Variants in LGI2 observed in about 807,000 individuals in gnomAD.
The protein encoded by LGI2 is leucine-rich repeat LGI family member 2.
LGI2 carries 30 observed loss-of-function variants against 52.0 expected under a neutral mutation model. That is an observed-to-expected ratio of 0.58 (90% CI 0.43 to 0.78). The LOEUF is 0.78. Ranked by LOEUF, LGI2 falls within the 30% of genes least tolerant of loss-of-function variation. The probability of loss-of-function intolerance (pLI) is 0.00; values close to 1 mark genes in which losing one functional copy is unlikely to be tolerated. For synonymous variants in LGI2, 270 were observed against 271.8 expected (o/e 0.99, Z 0.06); for missense variants, 573 against 692.5 (o/e 0.83, Z 1.94).
chr4:25,024,704 G>A, intron 4 of LGI2, 116 bp downstream of exon 4: 1 of 657,218 alleles, frequency 1.5e-6, no homozygotes, highest in South Asian at 2.2e-5. Flanking sequence ...AACCTCTTGA[G>A]TAATCTAGAA....
rs1195632283 is a variant in LGI2 at position 25,001,099 on chromosome 4, C to T, written c.*2352G>A. The stretch of plus-strand genomic sequence containing the variant: ...CCCCCTTCTCACACCCCACCCATCA[C>T]CTGTTTAGATCGTTCTTTCACCTCC... On this transcript the variant is annotated 3_prime_UTR_variant, in exon 8 of 8. Transcript: ENST00000382114. The T allele has an allele frequency of 6.6e-6, 1 of 152,240 alleles. No individual in the cohort carries two copies. Among genetic ancestry groups the T allele is most frequent in the Non-Finnish European group, 1.5e-5 (1 of 68,080 alleles). The allele number at this position is 152,240 out of a possible 1,614,324, so 9.4% of individuals were successfully genotyped here. A position where few individuals can be genotyped will look rare whatever the true frequency, so the allele number is the denominator to read the frequency against.
At chr4:24,993,123 C>T in the LGI2 span, among the ~76,000 whole-genome samples, 1 of 152,136 alleles carries the variant, frequency 6.6e-6, no homozygotes, top group African/African-American at 2.4e-5. Flanking sequence ...TTGTGAGGAC[C>T]AACTGAGATA....
chr4:25,027,275 A>G (rs1726181676), intron 2 of LGI2, among the ~76,000 whole-genome samples: 1 of 152,248 alleles, frequency 6.6e-6, no homozygotes, highest in Non-Finnish European at 1.5e-5. Flanking sequence ...ATGGTACACA[A>G]GCAATCATAA....
rs566094262 is a variant in LGI2 at position 25,016,434 on chromosome 4, G to A, written c.655+1555C>T. On this transcript the variant is annotated intron_variant, in intron 6 of 7. Transcript: ENST00000382114. ...AATTTAATTAAATTTAGCATTTAACGCCAAATAGTCTTGAATGCCACCTTT... is the reference window on the plus strand; with the variant it reads ...AATTTAATTAAATTTAGCATTTAACACCAAATAGTCTTGAATGCCACCTTT... Among the ~76,000 whole-genome samples the A allele has an allele frequency of 1.3e-3, 197 of 152,254 alleles. 1 individual carries two copies. Among genetic ancestry groups the A allele is most frequent in the African/African-American group, 4.0e-3 (165 of 41,556 alleles).
In LGI2 at chr4:24,999,722, A is replaced by T; in HGVS notation, c.*3729T>A. The T allele has an allele frequency of 2.3e-6, 1 of 439,350 alleles. No individual in the cohort carries two copies. The highest frequency in any genetic ancestry group is 4.6e-6 in the Non-Finnish European group (1 of 217,840). 27.2% of individuals were successfully genotyped at this position (439,350 alleles called of 1,614,324 possible). A position where few individuals can be genotyped will look rare whatever the true frequency, so the allele number is the denominator to read the frequency against. ...CATCATGAGCACTCCTGACCGCCAA[A>T]CCTCTGGCATCCCATGCTGATTTCT... On this transcript the variant is annotated 3_prime_UTR_variant, in exon 8 of 8. Coordinates refer to ENST00000382114, the MANE Select transcript of LGI2 (RefSeq NM_018176.4).
chr4:24,996,990 C>T (rs1245736811), downstream of LGI2, among the ~76,000 whole-genome samples: 1 of 152,130 alleles, frequency 6.6e-6, no homozygotes, highest in East Asian at 1.9e-4. Flanking sequence ...CCCTGTGTTG[C>T]TTTGGTTTGC....
At chr4:24,996,892 A>G (rs985125251), downstream of LGI2, among the ~76,000 whole-genome samples, 1 of 152,198 alleles carries the variant, frequency 6.6e-6, no homozygotes. Context: ...AGGTGTGTGC[A>G]GGAGCATGCT....
At chr4:25,030,108 G>A (rs113907956) in intron 1 of LGI2, among the ~76,000 whole-genome samples, 2 of 135,132 alleles carry the variant, frequency 1.5e-5, no homozygotes, top group East Asian at 2.1e-4. Flanking sequence ...ACACACACAC[G>A]CACACGCCCT....
chr4:25,003,304 A>G lies in LGI2; in HGVS notation c.*147T>C, dbSNP rs1172489812. 1.7e-5 allele frequency: 10 copies of G among 586,446 alleles called. No homozygotes were observed. The highest frequency in any genetic ancestry group is 2.6e-5 in the Non-Finnish European group (9 of 343,202). The allele number at this position is 586,446 out of a possible 1,614,324, so 36.3% of individuals were successfully genotyped here. A position where few individuals can be genotyped will look rare whatever the true frequency, so the allele number is the denominator to read the frequency against. Reference sequence around the variant, plus strand: ...AAATGCAATCCCTGATTAAAATGTGAGTTCTAAAAGTTTGAAAACATCTAA... The same window carrying G: ...AAATGCAATCCCTGATTAAAATGTGGGTTCTAAAAGTTTGAAAACATCTAA... On this transcript the variant is annotated 3_prime_UTR_variant, in exon 8 of 8. Coordinates refer to ENST00000382114, the MANE Select transcript of LGI2 (RefSeq NM_018176.4).
chr4:25,010,643 T>C (rs894447181), intron 7 of LGI2, among the ~76,000 whole-genome samples: 7 of 152,218 alleles, frequency 4.6e-5, no homozygotes, highest in African/African-American at 1.7e-4. Context: ...CTAGTATGTA[T>C]GCCTCCTCTC....
chr4:25,027,584 T>C (rs1476553624), intron 2 of LGI2, among the ~76,000 whole-genome samples: 1 of 152,210 alleles, frequency 6.6e-6, no homozygotes, highest in Non-Finnish European at 1.5e-5. Context: ...TTAAGTGTAA[T>C]GTTAAAAGTA....
At chr4:24,994,328 G>A (rs1007366465), downstream of LGI2, among the ~76,000 whole-genome samples, 8 of 152,182 alleles carry the variant, frequency 5.3e-5, no homozygotes, top group Non-Finnish European at 1.0e-4. Flanking sequence ...GGGAGCCCGA[G>A]CTCCCCAGAT....
rs915216208 is a variant in LGI2 at position 25,015,503 on chromosome 4, G to A, written c.655+2486C>T. Among the ~76,000 whole-genome samples, 2 of 152,074 alleles carry A rather than the reference G, an allele frequency of 1.3e-5. 1 individual carries two copies. Among genetic ancestry groups the A allele is most frequent in the African/African-American group, 4.8e-5 (2 of 41,406 alleles). ...ACACCCCTTGGCCAAGGAATAGAAT[G>A]GTAACAGTACCTTCCTCTCTCTGGG... On this transcript the variant is annotated intron_variant, in intron 6 of 7. Transcript: ENST00000382114.
chr4:25,023,046 G>A (rs934258485), intron 4 of LGI2, among the ~76,000 whole-genome samples: 1 of 144,042 alleles, frequency 6.9e-6, no homozygotes, highest in African/African-American at 2.6e-5. Context: ...TTAATGCATG[G>A]AGGGAAGGAA....
chr4:24,996,884 G>A (rs1443277916), downstream of LGI2, among the ~76,000 whole-genome samples: 3 of 152,164 alleles, frequency 2.0e-5, no homozygotes, highest in African/African-American at 7.2e-5. Context: ...ACACCCAGAG[G>A]TGTGTGCAGG....
At position 24,999,525 on chromosome 4, in the gene LGI2, G is replaced by C. The variant is rs1251347005; in HGVS notation, c.*3926C>G. ...CAGGAAGCTGTTGAACAGAATCTTT[G>C]GCCGCTGCCTAATTAAAGAACTTCC... On this transcript the variant is annotated 3_prime_UTR_variant, in exon 8 of 8. Coordinates refer to ENST00000382114, the MANE Select transcript of LGI2 (RefSeq NM_018176.4). The C allele has an allele frequency of 2.6e-5, 6 of 230,756 alleles. No homozygotes were observed. In the East Asian group the frequency reaches 8.2e-4, roughly 31 times the overall value. 14.3% of individuals were successfully genotyped at this position (230,756 alleles called of 1,614,324 possible).
rs574921296 is a variant in LGI2, at chr4:25,004,871, C to T, written c.821-603G>A. On this transcript the variant is annotated intron_variant, in intron 7 of 7. Transcript: ENST00000382114. The surrounding 1 kb of genome is among the most constrained non-coding windows in gnomAD (Gnocchi z 4.6). The stretch of plus-strand genomic sequence containing the variant: ...CTATAACATCATCCTTCACAATAGC[C>T]GAAAGGTGGAAGCAACCCAAGTTGC... Among the ~76,000 whole-genome samples, 16 of 152,130 alleles carry T rather than the reference C, an allele frequency of 1.1e-4. No individual in the cohort carries two copies. Among genetic ancestry groups the T allele is most frequent in the African/African-American group, 3.4e-4 (14 of 41,498 alleles).
intron 4 of LGI2, among the ~76,000 whole-genome samples, chr4:25,023,153 G>C (rs1037028894): frequency 3.3e-5 from 5 of 152,166 alleles, no homozygotes; most frequent in Admixed American, 3.3e-4. Context: ...TTTCAAGCAA[G>C]CATTAACCTT....
chr4:25,027,326 C>A (rs1019155576), intron 2 of LGI2, among the ~76,000 whole-genome samples: 2 of 148,468 alleles, frequency 1.3e-5, no homozygotes, highest in African/African-American at 2.5e-5. Context: ...TCTATTTTTA[C>A]GAAAATAAAA....
Sources: allele counts gnomAD v4.1 joint callset (sites outside exome capture counted in the v4.1 genomes callset), GRCh38; gene constraint gnomAD v4.1.1; non-coding constraint Gnocchi (gnomAD v3.1); transcripts MANE v1.5; gene names NCBI Gene and HGNC (gene_info 2026-07-23, HGNC 2026-07-21).